The following ANKRD24 variants were observed in gnomAD, a reference collection of about 807,000 sequenced individuals.
ANKRD24 encodes the protein ankyrin repeat domain-containing protein 24.
Under a neutral mutation model 127.8 loss-of-function variants are expected in ANKRD24, and 109 were observed. That is an observed-to-expected ratio of 0.85 (90% CI 0.73 to 1.00). The LOEUF (loss-of-function observed/expected upper bound fraction) is 1.00, where lower values mean the gene tolerates loss of function less well. Among genes scored for constraint, ANKRD24 ranks in the 50% least tolerant of loss-of-function variants. The pLI, the probability that ANKRD24 is intolerant of heterozygous loss-of-function variation, is 0.00. For synonymous variants in ANKRD24, 743 were observed against 671.1 expected, an observed-to-expected ratio of 1.11 and a Z score of -1.66; for missense variants, 1,648 against 1,570.2, an observed-to-expected ratio of 1.05 and a Z score of -0.84.
At chr19:4,206,378 C>T (rs1969386815) in intron 7 of ANKRD24, among the ~76,000 whole-genome samples, 1 of 151,250 alleles carries the variant, frequency 6.6e-6, no homozygotes, top group South Asian at 2.1e-4. Flanking sequence ...TGCACGCCTA[C>T]AGTCCCGGCG....
chr19:4,211,512 C>T (rs1849171025), intron 13 of ANKRD24, among the ~76,000 whole-genome samples: 1 of 152,024 alleles, frequency 6.6e-6, no homozygotes, highest in African/African-American at 2.4e-5. Context: ...GGCATGGTGG[C>T]AGGGGCCTGT....
chr19:4,200,117 T>C lies in ANKRD24; in HGVS notation c.289T>C (p.Cys97Arg). The change falls in exon 5 of 22, where the codon TGT becomes CGT. Residue 97 changes from cysteine to arginine, a missense_variant. Cys to Arg is a radical substitution (Grantham distance 180). Coordinates refer to ENST00000318934, the MANE Select transcript of ANKRD24 (RefSeq NM_001393985.1). ...HLAAMRGAAS[C>R]LEVMIAHGSN... ...GGCGGCCATGCGGGGTGCGGCCAGC[T>C]GTCTGGAGGTGATGATAGCTCATGG... 1 of 1,606,022 alleles carries C rather than the reference T, an allele frequency of 6.2e-7. No homozygotes were observed. Among genetic ancestry groups the C allele is most frequent in the Non-Finnish European group, 8.5e-7 (1 of 1,176,504 alleles).
intron 2 of ANKRD24, among the ~76,000 whole-genome samples, chr19:4,192,281 TAG>T (rs1194856517): frequency 6.6e-6 from 1 of 152,212 alleles, no homozygotes; most frequent in Non-Finnish European, 1.5e-5. Flanking sequence ...TTGGGGTTTC[TAG>T]AGAGTCACAG....
intron 7 of ANKRD24, 85 bp from the exon 8 acceptor site, chr19:4,207,157 C>A: frequency 8.6e-7 from 1 of 1,160,758 alleles, no homozygotes; most frequent in Non-Finnish European, 1.3e-6. Context: ...CTCCAGAACT[C>A]AAGCGAACCT....
rs192930716 is a variant in ANKRD24, at chr19:4,195,217, C to T, written c.37-4466C>T. 9.9e-4 allele frequency among the ~76,000 whole-genome samples: 150 copies of T among 152,130 alleles called. No homozygotes were observed. The highest frequency in any genetic ancestry group is 1.5e-3 in the Non-Finnish European group (104 of 67,998). On this transcript the variant is annotated intron_variant, in intron 2 of 21. Coordinates refer to ENST00000318934, the MANE Select transcript of ANKRD24 (RefSeq NM_001393985.1). This position sits in a 1 kb window ranked among gnomAD's most constrained non-coding sequence, Gnocchi z 4.2. ...TCTCCCGAGTAGCTGGGACTACAGG[C>T]GCCCACCACCACGCCCGGCTAATTT...
chr19:4,212,377 AT>A, intron 13 of ANKRD24, 97 bp from the exon 14 acceptor site: 1 of 1,380,052 alleles, frequency 7.2e-7, no homozygotes, highest in East Asian at 2.5e-5. Flanking sequence ...TGCACGTGGA[AT>A]GCGTGAATGT....
chr19:4,202,583 A>G (rs1969154574), intron 6 of ANKRD24, among the ~76,000 whole-genome samples: 1 of 152,032 alleles, frequency 6.6e-6, no homozygotes, highest in East Asian at 1.9e-4. Context: ...ATATATATAT[A>G]TACTCCCAAT....
At position 4,222,912 on chromosome 19, in the gene ANKRD24, G is replaced by A. The variant is rs529172355; in HGVS notation, c.3297+117G>A. 3 of 1,218,816 alleles carry A rather than the reference G, an allele frequency of 2.5e-6. No homozygotes were observed. In the East Asian group the frequency reaches 8.3e-5, roughly 34 times the overall value. The allele number at this position is 1,218,816 out of a possible 1,614,324, so 75.5% of individuals were successfully genotyped here. ...GAGAGGGGCTGGGGTAGGCAGGTGG[G>A]GTCCACATCACATGCACGGCATGGC... On this transcript the variant is annotated intron_variant, in intron 20 of 21. Transcript: ENST00000318934.
rs73540092 is a variant in ANKRD24, at chr19:4,192,645, A to G, written c.36+6184A>G. On this transcript the variant is annotated intron_variant, in intron 2 of 21. Transcript: ENST00000318934. Reference sequence around the variant, plus strand: ...CATTCTAAGGGAGAGATCAAGAGGAAACAAGCTGGGCGCAGTGGCTCACGC... The same window carrying G: ...CATTCTAAGGGAGAGATCAAGAGGAGACAAGCTGGGCGCAGTGGCTCACGC... Among the ~76,000 whole-genome samples the G allele has an allele frequency of 1.9e-3, 283 of 150,800 alleles. 2 individuals carry two copies. Among genetic ancestry groups the G allele is most frequent in the African/African-American group, 6.5e-3 (270 of 41,252 alleles).
intron 15 of ANKRD24, among the ~76,000 whole-genome samples, chr19:4,213,014 C>T (rs1969834724): frequency 6.6e-6 from 1 of 152,098 alleles, no homozygotes; most frequent in Admixed American, 6.6e-5. Context: ...GCCTGTAGTC[C>T]CAGCTACTCT....
intron 2 of ANKRD24, among the ~76,000 whole-genome samples, chr19:4,196,331 CT>C (rs1968733015): frequency 7.9e-6 from 1 of 126,764 alleles, no homozygotes; most frequent in South Asian, 2.5e-4. Flanking sequence ...TCTGGAAGAC[CT>C]CGGTTTTGTT....
chr19:4,205,197 C>A (rs1022350899), intron 7 of ANKRD24, among the ~76,000 whole-genome samples: 2 of 152,044 alleles, frequency 1.3e-5, no homozygotes, highest in East Asian at 1.9e-4. Flanking sequence ...GAGATCATGC[C>A]CCTGCACAGC....
At chr19:4,200,530 G>T (rs866281664) in intron 5 of ANKRD24, among the ~76,000 whole-genome samples, 1 of 151,646 alleles carries the variant, frequency 6.6e-6, no homozygotes, top group Non-Finnish European at 1.5e-5. Context: ...TTTCTTTTTT[G>T]GGGGGAGGGA....
At chr19:4,183,356 G>T in intron 1 of ANKRD24, 2 of 986,060 alleles carry the variant, frequency 2.0e-6, no homozygotes, top group Non-Finnish European at 2.4e-6. Context: ...TGGGGCTGGT[G>T]GCCTGGAGGA....
chr19:4,203,371 G>A (rs1599425239), intron 7 of ANKRD24, among the ~76,000 whole-genome samples: 3 of 151,758 alleles, frequency 2.0e-5, no homozygotes, highest in Non-Finnish European at 2.9e-5. Context: ...TTATGAGATA[G>A]GGTCTTGCTC....
intron 2 of ANKRD24, among the ~76,000 whole-genome samples, chr19:4,187,327 T>G (rs940595211): frequency 9.2e-5 from 14 of 151,730 alleles, no homozygotes; most frequent in Middle Eastern, 6.3e-3. Context: ...GCAGGAGAAT[T>G]GCTTGAACCT....
At position 4,210,145 on chromosome 19, in the gene ANKRD24, G is replaced by A. The variant is rs1415999564; in HGVS notation, c.951+7G>A. 5.6e-6 allele frequency: 9 copies of A among 1,603,730 alleles called. No individual in the cohort carries two copies. Among genetic ancestry groups the A allele is most frequent in the Non-Finnish European group, 7.7e-6 (9 of 1,175,694 alleles). On this transcript the variant is annotated splice_region_variant and intron_variant, in intron 12 of 21. Transcript: ENST00000318934. ...CGCCAGCATTCCCATGCCGGTGAGA[G>A]ATGCTCTGGGCACGGGAGGAGGCAT...
intron 20 of ANKRD24, among the ~76,000 whole-genome samples, 160 bp downstream of exon 20, chr19:4,222,955 A>AT (rs985587952): frequency 6.6e-6 from 1 of 151,770 alleles, no homozygotes; most frequent in Non-Finnish European, 1.5e-5. Flanking sequence ...TACTTCCTTT[A>AT]TTTTTTTTGA....
At position 4,200,068 on chromosome 19, in the gene ANKRD24, G is replaced by A. The variant is rs1969010393; in HGVS notation, c.255-15G>A. On this transcript the variant is annotated splice_polypyrimidine_tract_variant and intron_variant, in intron 4 of 21. Coordinates refer to ENST00000318934, the MANE Select transcript of ANKRD24 (RefSeq NM_001393985.1). ...GTGGCAACCTTGCGGCTGAACCCTT[G>A]TCTCTCACCTCCAGGTTCCACCTGG... The A allele has an allele frequency of 1.9e-6, 3 of 1,576,064 alleles. No homozygotes were observed. The highest frequency in any genetic ancestry group is 2.6e-6 in the Non-Finnish European group (3 of 1,159,880).
Sources: allele counts gnomAD v4.1 joint callset (sites outside exome capture counted in the v4.1 genomes callset), GRCh38; gene constraint gnomAD v4.1.1; non-coding constraint Gnocchi (gnomAD v3.1); transcripts MANE v1.5; gene names NCBI Gene and HGNC (gene_info 2026-07-23, HGNC 2026-07-21).